The following NCK2 variants were observed in gnomAD, a reference collection of about 807,000 sequenced individuals.
NCK2 encodes NCK adaptor protein 2, also known as cytoplasmic protein NCK2.
Under a neutral mutation model 33.9 loss-of-function variants are expected in NCK2, and 16 were observed. That is an observed-to-expected ratio of 0.47 (90% confidence interval 0.32 to 0.72). The LOEUF (loss-of-function observed/expected upper bound fraction) is 0.72. Ranked by LOEUF, NCK2 falls within the 30% of genes least tolerant of loss-of-function variation. NCK2 has a pLI of 0.03. For synonymous variants in NCK2, 273 were observed against 239.9 expected, an observed-to-expected ratio of 1.14 and a Z score of -1.27; for missense variants, 418 against 537.3, an observed-to-expected ratio of 0.78 and a Z score of 2.19.
chr2:105,759,220 G>T (rs921529816), intron 1 of NCK2, among the ~76,000 whole-genome samples: 3 of 152,186 alleles, frequency 2.0e-5, no homozygotes, highest in Non-Finnish European at 4.4e-5. Context: ...AAGGGAGCAA[G>T]ATTTTTTGTT....
intron 3 of NCK2, among the ~76,000 whole-genome samples, chr2:105,864,463 G>C (rs1246944120): frequency 6.6e-6 from 1 of 152,118 alleles, no homozygotes; most frequent in East Asian, 1.9e-4. Flanking sequence ...CCCAGAGAGT[G>C]GGGGAAGTAA....
intron 2 of NCK2, among the ~76,000 whole-genome samples, chr2:105,849,945 G>A (rs1296987665): frequency 6.6e-6 from 1 of 152,132 alleles, no homozygotes; most frequent in Non-Finnish European, 1.5e-5. Flanking sequence ...TCCTCATGAG[G>A]TATTACCCTG....
At chr2:105,890,774 T>G (rs534802060) in intron 4 of NCK2, among the ~76,000 whole-genome samples, 1 of 152,392 alleles carries the variant, frequency 6.6e-6, no homozygotes, top group African/African-American at 2.4e-5. Context: ...TTGTCATTGG[T>G]AGAAATGGAG....
At chr2:105,805,219 C>T (rs2104454665) in intron 1 of NCK2, among the ~76,000 whole-genome samples, 1 of 152,262 alleles carries the variant, frequency 6.6e-6, no homozygotes, top group South Asian at 2.1e-4. Flanking sequence ...GATTTGATTG[C>T]ACGATGGCAT....
chr2:105,752,153 C>A (rs1573551211), intron 1 of NCK2, among the ~76,000 whole-genome samples: 1 of 152,146 alleles, frequency 6.6e-6, no homozygotes, highest in African/African-American at 2.4e-5. Flanking sequence ...CTAGTGGCAG[C>A]CTTGTTGCGG....
At chr2:105,858,439 G>A (rs1677378627) in intron 3 of NCK2, among the ~76,000 whole-genome samples, 1 of 152,086 alleles carries the variant, frequency 6.6e-6, no homozygotes. Flanking sequence ...TATAGAGACA[G>A]GATTTTGCCA....
At chr2:105,857,750 T>C (rs1220025152) in intron 3 of NCK2, among the ~76,000 whole-genome samples, 1 of 152,230 alleles carries the variant, frequency 6.6e-6, no homozygotes, top group Non-Finnish European at 1.5e-5. Context: ...ATGGTTAGTA[T>C]ATATTTTTTG....
intron 1 of NCK2, among the ~76,000 whole-genome samples, chr2:105,795,431 T>C (rs530279136): frequency 6.6e-6 from 1 of 152,388 alleles, no homozygotes; most frequent in East Asian, 1.9e-4. Context: ...TGAATGGGCC[T>C]GTTTATTTAG....
At chr2:105,813,020 G>A (rs547479760) in intron 1 of NCK2, among the ~76,000 whole-genome samples, 2 of 152,334 alleles carry the variant, frequency 1.3e-5, no homozygotes, top group South Asian at 2.1e-4. Context: ...GAATGCGACT[G>A]TCAAGGTTCT....
chr2:105,864,764 A>C (rs933256118), intron 3 of NCK2, among the ~76,000 whole-genome samples: 2 of 151,286 alleles, frequency 1.3e-5, no homozygotes, highest in Admixed American at 6.6e-5. Context: ...TGTCCCTTTC[A>C]CACATGAGTT....
intron 1 of NCK2, among the ~76,000 whole-genome samples, chr2:105,805,545 T>C (rs529234592): frequency 1.7e-3 from 257 of 152,328 alleles, no homozygotes; most frequent in African/African-American, 6.0e-3. Context: ...TAAATTAAAT[T>C]TCCCGAACTT....
intron 1 of NCK2, among the ~76,000 whole-genome samples, chr2:105,762,970 G>A (rs1383689497): frequency 2.0e-5 from 3 of 152,306 alleles, no homozygotes; most frequent in East Asian, 1.9e-4. Context: ...CGACGTAGGC[G>A]GATTGCCTGA....
intron 1 of NCK2, among the ~76,000 whole-genome samples, chr2:105,777,682 A>G (rs1166991020): frequency 6.6e-6 from 1 of 152,164 alleles, no homozygotes; most frequent in African/African-American, 2.4e-5. Flanking sequence ...CACAATTCCT[A>G]TCAAGGTCCT....
chr2:105,773,649 T>C (rs924647814), intron 1 of NCK2, among the ~76,000 whole-genome samples: 1 of 152,110 alleles, frequency 6.6e-6, no homozygotes, highest in African/African-American at 2.4e-5. Flanking sequence ...CATCCTGGTT[T>C]ATGGATATTT....
intron 4 of NCK2, among the ~76,000 whole-genome samples, chr2:105,887,859 G>T (rs1439331129): frequency 6.6e-6 from 1 of 152,184 alleles, no homozygotes; most frequent in African/African-American, 2.4e-5. Flanking sequence ...ATAGAGATGG[G>T]ATCAAAGAGT....
At chr2:105,843,591 C>T (rs1185483000) in intron 2 of NCK2, among the ~76,000 whole-genome samples, 1 of 152,230 alleles carries the variant, frequency 6.6e-6, no homozygotes, top group African/African-American at 2.4e-5. Context: ...AACAAACGAA[C>T]GAACACTCGC....
At chr2:105,845,383 C>T (rs1053185757) in intron 2 of NCK2, among the ~76,000 whole-genome samples, 23 of 130,302 alleles carry the variant, frequency 1.8e-4, no homozygotes, top group African/African-American at 6.9e-4. Context: ...AAACTCATGA[C>T]ATTTATATTT....
intron 1 of NCK2, among the ~76,000 whole-genome samples, chr2:105,786,535 T>C (rs1348250820): frequency 2.0e-5 from 3 of 152,194 alleles, no homozygotes; most frequent in African/African-American, 7.2e-5. Context: ...TTCCTTTAGC[T>C]CAGACTCATC....
intron 1 of NCK2, among the ~76,000 whole-genome samples, chr2:105,752,975 T>TC (rs1158552146): frequency 2.6e-5 from 4 of 152,188 alleles, no homozygotes; most frequent in Non-Finnish European, 5.9e-5. Context: ...CATTGAGTCC[T>TC]CACCAACAGA....
Sources: gnomAD v4.1 joint callset for allele counts (sites outside exome capture counted in the v4.1 genomes callset) on GRCh38, gnomAD v4.1.1 for gene constraint, MANE v1.5 for transcripts, NCBI Gene and HGNC (gene_info 2026-07-23, HGNC 2026-07-21) for gene names.